RASGRF1: variants seen among roughly 807,000 people sequenced by gnomAD.
RASGRF1 encodes Ras protein specific guanine nucleotide releasing factor 1, also known as ras-specific guanine nucleotide-releasing factor 1.
In RASGRF1, 40 loss-of-function variants were observed where a neutral mutation model predicts 138.7. The observed-to-expected ratio is 0.29, with a 90% CI of 0.22 to 0.38. The LOEUF (loss-of-function observed/expected upper bound fraction) is 0.38. Ranked by LOEUF, RASGRF1 falls within the 10% of genes least tolerant of loss-of-function variation. RASGRF1 has a pLI of 1.00. For missense variants in RASGRF1, 1,108 were observed against 1,650.4 expected (o/e 0.67, Z 5.69); for synonymous variants, 614 against 663.2 (o/e 0.93, Z 1.14).
intron 19 of RASGRF1, among the ~76,000 whole-genome samples, chr15:78,997,318 C>G (rs2056415430): frequency 6.6e-6 from 1 of 152,226 alleles, no homozygotes; most frequent in Non-Finnish European, 1.5e-5. Flanking sequence ...ATGGCAGCAT[C>G]CTACACCCTG....
At chr15:79,082,805 T>C (rs1223308580) in intron 1 of RASGRF1, among the ~76,000 whole-genome samples, 1 of 152,228 alleles carries the variant, frequency 6.6e-6, no homozygotes, top group Non-Finnish European at 1.5e-5. Flanking sequence ...CACAGGTTCT[T>C]TGAGCTAAGA....
chr15:78,960,333 C>T lies in RASGRF1; in HGVS notation c.*1811G>A, dbSNP rs982265924. 3.3e-5 allele frequency: 5 copies of T among 152,794 alleles called. No individual in the cohort carries two copies. The highest frequency in any genetic ancestry group is 9.6e-5 in the African/African-American group (4 of 41,452). The allele number at this position is 152,794 out of a possible 1,614,324, so 9.5% of individuals were successfully genotyped here. On this transcript the variant is annotated 3_prime_UTR_variant, in exon 27 of 27. Transcript: ENST00000558480. ...CTGAGGGTGGTGTTCCGGGGCTTCC[C>T]TTCCTGGGTGACAGTGAGGACACAT... is the stretch of plus-strand genomic sequence containing the variant.
intron 2 of RASGRF1, among the ~76,000 whole-genome samples, chr15:79,060,223 C>T (rs1158397177): frequency 1.3e-5 from 2 of 152,176 alleles, no homozygotes; most frequent in Non-Finnish European, 2.9e-5. Flanking sequence ...ATTTCCCTTT[C>T]TGCGACCATC....
At chr15:79,051,139 G>A (rs867080590) in intron 3 of RASGRF1, among the ~76,000 whole-genome samples, 1 of 152,252 alleles carries the variant, frequency 6.6e-6, no homozygotes, top group Non-Finnish European at 1.5e-5. Context: ...AAAGCCCAGT[G>A]CTGTTCTCTC....
rs1011133200 is a variant in RASGRF1 at position 79,027,219 on chromosome 15, A to C, written c.1381+522T>G. 1.3e-5 allele frequency among the ~76,000 whole-genome samples: 2 copies of C among 152,144 alleles called. No homozygotes were observed. The highest frequency in any genetic ancestry group is 4.8e-5 in the African/African-American group (2 of 41,436). The stretch of plus-strand genomic sequence containing the variant: ...CCCTCTCAACGGGGCCGTGCCTCTC[A>C]AACACTGCTCCCAAGGTAAGCGAGG... On this transcript the variant is annotated intron_variant, in intron 9 of 26. Transcript: ENST00000558480. This position sits in a 1 kb window ranked among gnomAD's most constrained non-coding sequence, Gnocchi z 4.8.
chr15:79,059,069 C>T (rs1365503802), intron 2 of RASGRF1, among the ~76,000 whole-genome samples: 1 of 152,006 alleles, frequency 6.6e-6, no homozygotes, highest in Non-Finnish European at 1.5e-5. Context: ...TGCTAACCTC[C>T]CTCCCTCCTT....
intron 3 of RASGRF1, among the ~76,000 whole-genome samples, chr15:79,051,887 C>T (rs938684664): frequency 6.6e-6 from 1 of 152,168 alleles, no homozygotes; most frequent in Admixed American, 6.5e-5. Context: ...GAGCCAATAT[C>T]GGGATGGTGG....
At chr15:79,051,303 T>C (rs2057427016) in intron 3 of RASGRF1, among the ~76,000 whole-genome samples, 1 of 152,230 alleles carries the variant, frequency 6.6e-6, no homozygotes, top group South Asian at 2.1e-4. Flanking sequence ...CAGCCTGTGA[T>C]TGAAGAGTGG....
At chr15:78,988,839 G>GTTTTTTTTTTTTTT (rs555940270) in intron 22 of RASGRF1, among the ~76,000 whole-genome samples, 8 of 127,100 alleles carry the variant, frequency 6.3e-5, no homozygotes, top group Admixed American at 1.6e-4. Flanking sequence ...CTGGGAGGGA[G>GTTTTTTTTTTTTTT]TTTTTTTTTT....
chr15:79,034,829 G>C (rs1407406589), intron 6 of RASGRF1, among the ~76,000 whole-genome samples: 1 of 152,236 alleles, frequency 6.6e-6, no homozygotes, highest in Non-Finnish European at 1.5e-5. Flanking sequence ...TTGGGAAGCA[G>C]AACTATGCTT....
At chr15:79,051,192 A>G (rs12911414) in intron 3 of RASGRF1, among the ~76,000 whole-genome samples, 56,379 of 152,006 alleles carry the variant, frequency 0.37, 10,901 homozygotes, top group Middle Eastern at 0.51. Flanking sequence ...CACTTGCTGA[A>G]CCACAGGATG....
chr15:79,046,718 G>A lies in RASGRF1; in HGVS notation c.878+28C>T. On this transcript the variant is annotated intron_variant, in intron 5 of 26. Coordinates refer to ENST00000558480, the MANE Select transcript of RASGRF1 (RefSeq NM_001145648.3). This position sits in a 1 kb window ranked among gnomAD's most constrained non-coding sequence, Gnocchi z 5.3. ...GCCAATGCTCACTAGTCTCCTTCCT[G>A]CCTTGGCCAACCTTTAGGGGTGCTC... is the stretch of plus-strand genomic sequence containing the variant. 2 of 1,610,524 alleles carry A rather than the reference G, an allele frequency of 1.2e-6. No individual in the cohort carries two copies. The highest frequency in any genetic ancestry group is 1.7e-6 in the Non-Finnish European group (2 of 1,176,856).
chr15:79,025,184 CTG>C (rs2140988720), intron 10 of RASGRF1, 128 bp downstream of exon 10: 324 of 1,028,784 alleles, frequency 3.1e-4, no homozygotes, highest in South Asian at 7.5e-4. Flanking sequence ...GTGTGTATAT[CTG>C]TGTGTGTGTG....
intron 1 of RASGRF1, among the ~76,000 whole-genome samples, chr15:79,088,811 A>G (rs1239078195): frequency 6.6e-6 from 1 of 152,166 alleles, no homozygotes; most frequent in Non-Finnish European, 1.5e-5. Context: ...GCTCCATTTG[A>G]GCTGAAGCTT....
At chr15:79,037,046 A>G (rs754336871) in intron 5 of RASGRF1, among the ~76,000 whole-genome samples, 1 of 152,180 alleles carries the variant, frequency 6.6e-6, no homozygotes, top group Non-Finnish European at 1.5e-5. Flanking sequence ...CTCCAGGTAT[A>G]GCAACTTCTT....
chr15:79,015,153 T>G (rs1595904566), intron 13 of RASGRF1, among the ~76,000 whole-genome samples, 174 bp downstream of exon 13: 1 of 150,210 alleles, frequency 6.7e-6, no homozygotes, highest in South Asian at 2.1e-4. Context: ...ATCATCCAAA[T>G]AGCAATCACC....
rs569431005 is a variant in RASGRF1 at position 79,073,172 on chromosome 15, A to G, written c.277-8646T>C. ...CATTCAGATACAGGACCCGAGTCCA[A>G]GTTTCAATAACAAATCTTCACAGGC... On this transcript the variant is annotated intron_variant, in intron 1 of 26. Transcript: ENST00000558480. This position sits in a 1 kb window ranked among gnomAD's most constrained non-coding sequence, Gnocchi z 4.2. Among the ~76,000 whole-genome samples, 6 of 152,172 alleles carry G rather than the reference A, an allele frequency of 3.9e-5. No individual in the cohort carries two copies. The highest frequency in any genetic ancestry group is 1.4e-4 in the African/African-American group (6 of 41,512).
chr15:79,014,966 CA>C (rs1209050992), intron 13 of RASGRF1, among the ~76,000 whole-genome samples: 2 of 149,174 alleles, frequency 1.3e-5, no homozygotes, highest in African/African-American at 4.9e-5. Context: ...CAAAACAAAA[CA>C]AAACAAAAAA....
At chr15:79,059,417 C>CCCTTCCCTATCCTCCCTTAT in intron 2 of RASGRF1, among the ~76,000 whole-genome samples, 1 of 134,992 alleles carries the variant, frequency 7.4e-6, no homozygotes, top group African/African-American at 2.9e-5. Flanking sequence ...CCCTTCCCTT[C>CCCTTCCCTATCCTCCCTTAT]CCTTCCCTAT....
Sources: gnomAD v4.1 joint callset for allele counts (sites outside exome capture counted in the v4.1 genomes callset) on GRCh38, gnomAD v4.1.1 for gene constraint, Gnocchi (gnomAD v3.1) non-coding constraint, MANE v1.5 for transcripts, NCBI Gene and HGNC (gene_info 2026-07-23, HGNC 2026-07-21) for gene names.